Variants in SEMA6A observed in about 807,000 individuals in gnomAD.
The protein encoded by SEMA6A is semaphorin-6A.
In SEMA6A, 25 loss-of-function variants were observed where a neutral mutation model predicts 96.8. That is an observed-to-expected ratio of 0.26 (90% CI 0.19 to 0.36). The LOEUF (loss-of-function observed/expected upper bound fraction) is 0.36. SEMA6A is among the 10% of genes least tolerant of loss of function. The probability of loss-of-function intolerance (pLI) is 1.00; values close to 1 mark genes in which losing one functional copy is unlikely to be tolerated. For missense variants in SEMA6A, 1,363 were observed against 1,323.1 expected (o/e 1.03, Z -0.47); for synonymous variants, 612 against 518.0 (o/e 1.18, Z -2.46).
At chr5:116,522,292 C>T (rs1011535181) in intron 1 of SEMA6A, among the ~76,000 whole-genome samples, 1 of 152,204 alleles carries the variant, frequency 6.6e-6, no homozygotes, top group African/African-American at 2.4e-5. Flanking sequence ...ATTTTTTAAA[C>T]TCTTTGTCTC....
intron 18 of SEMA6A, among the ~76,000 whole-genome samples, chr5:116,448,170 T>TTAA (rs1193422146): frequency 8.4e-6 from 1 of 119,550 alleles, no homozygotes; most frequent in African/African-American, 3.6e-5. Context: ...CCGTCTCTAC[T>TTAA]AAAAAAAAAA....
intron 1 of SEMA6A, among the ~76,000 whole-genome samples, chr5:116,513,339 C>T (rs1758507413): frequency 1.3e-5 from 2 of 152,092 alleles, no homozygotes; most frequent in Non-Finnish European, 2.9e-5. Context: ...GTTGGTCAGG[C>T]TGGTCTCAAA....
At chr5:116,536,051 A>G (rs6867701) in intron 1 of SEMA6A, among the ~76,000 whole-genome samples, 1 of 152,220 alleles carries the variant, frequency 6.6e-6, no homozygotes, top group African/African-American at 2.4e-5. Flanking sequence ...GTTCTTTCTA[A>G]CTACAAGTAA....
At chr5:116,519,058 A>G (rs1490739147) in intron 1 of SEMA6A, among the ~76,000 whole-genome samples, 1 of 152,178 alleles carries the variant, frequency 6.6e-6, no homozygotes, top group Non-Finnish European at 1.5e-5. Context: ...TGTTCTTCAC[A>G]TATCTATTTA....
chr5:116,486,540 T>C (rs1757057404), intron 10 of SEMA6A: 2 of 532,148 alleles, frequency 3.8e-6, no homozygotes, highest in Non-Finnish European at 6.7e-6. Context: ...TGTCATAATT[T>C]ATCTAATTAC....
chr5:116,462,359 G>A (rs1296330939), intron 18 of SEMA6A, among the ~76,000 whole-genome samples: 3 of 152,168 alleles, frequency 2.0e-5, no homozygotes, highest in African/African-American at 7.2e-5. Flanking sequence ...GGGCAACACT[G>A]TGTAGCACAA....
chr5:116,492,699 TA>T (rs1448753651), intron 6 of SEMA6A, among the ~76,000 whole-genome samples: 1 of 152,218 alleles, frequency 6.6e-6, no homozygotes, highest in Non-Finnish European at 1.5e-5. Flanking sequence ...ACTTGTGTTA[TA>T]AAAATTAATA....
At chr5:116,547,446 CAT>C (rs557033796) in intron 1 of SEMA6A, among the ~76,000 whole-genome samples, 318 of 152,202 alleles carry the variant, frequency 2.1e-3, no homozygotes, top group African/African-American at 7.4e-3. Context: ...AAATTTGAGA[CAT>C]GTGTTGTAGA....
rs377034192 is a variant in SEMA6A at position 116,507,940 on chromosome 5, G to A, written c.-38-2958C>T. ...CTTAAGAACATTCTTCATTTTAATAGGCATCTGCTTGGTGAATTTGTCAGG... is the reference window on the plus strand; with the variant it reads ...CTTAAGAACATTCTTCATTTTAATAAGCATCTGCTTGGTGAATTTGTCAGG... On this transcript the variant is annotated intron_variant, in intron 1 of 18. Transcript: ENST00000343348. 38 of 152,236 alleles carry A rather than the reference G, an allele frequency of 2.5e-4. No individual in the cohort carries two copies. The East Asian group carries it at 7.0e-3, about 28-fold the overall frequency. The allele number at this position is 152,236 out of a possible 1,614,324, so 9.4% of individuals were successfully genotyped here. A position where few individuals can be genotyped will look rare whatever the true frequency, so the allele number is the denominator to read the frequency against.
chr5:116,469,706 G>A (rs150028674), intron 17 of SEMA6A, among the ~76,000 whole-genome samples: 35 of 152,326 alleles, frequency 2.3e-4, no homozygotes, highest in African/African-American at 7.9e-4. Flanking sequence ...ATGGTTTAGG[G>A]AGAACATTTC....
intron 3 of SEMA6A, among the ~76,000 whole-genome samples, chr5:116,498,033 T>C (rs1378177801): frequency 6.6e-6 from 1 of 152,200 alleles, no homozygotes; most frequent in East Asian, 1.9e-4. Flanking sequence ...TTGGGTTGTC[T>C]TTACAATTTG....
intron 10 of SEMA6A, among the ~76,000 whole-genome samples, chr5:116,484,632 AAAATAAT>A (rs1756953331): frequency 1.3e-5 from 2 of 148,586 alleles, no homozygotes; most frequent in East Asian, 2.1e-4. Context: ...CAGGAAAAAA[AAAATAAT>A]AATAATAATA....
At chr5:116,569,654 C>A (rs1761130903) in intron 1 of SEMA6A, among the ~76,000 whole-genome samples, 1 of 152,168 alleles carries the variant, frequency 6.6e-6, no homozygotes, top group South Asian at 2.1e-4. Flanking sequence ...AGAGGAGGAA[C>A]ACCTGAAGGA....
rs749631581 is a variant in SEMA6A at position 116,447,068 on chromosome 5, TG to T, written c.2637del (p.Val881PhefsTer20). On this transcript the variant is annotated frameshift_variant, in exon 19 of 19. Coordinates refer to ENST00000343348, the MANE Select transcript of SEMA6A (RefSeq NM_020796.5). LOFTEE classifies it high-confidence loss of function. Reference sequence around the variant, plus strand: ...AGGGAGGCCTCCCGCTGTGGAACTTTGGGGGGCAGGCTGTCCAGGTTCTCCA... The same window carrying T: ...AGGGAGGCCTCCCGCTGTGGAACTTTGGGGGCAGGCTGTCCAGGTTCTCCA... ...NLVENLDSLP[P>X]KVPQREASLG... 1 of 1,613,700 alleles carries T rather than the reference TG, an allele frequency of 6.2e-7. No homozygotes were observed. The highest frequency in any genetic ancestry group is 8.5e-7 in the Non-Finnish European group (1 of 1,179,846).
intron 1 of SEMA6A, among the ~76,000 whole-genome samples, chr5:116,533,820 T>C (rs566850182): frequency 3.9e-4 from 59 of 152,208 alleles, no homozygotes; most frequent in Non-Finnish European, 6.6e-4. Flanking sequence ...CCCTCACACC[T>C]CCAGGCTTCA....
chr5:116,487,759 G>C (rs1306684788), intron 9 of SEMA6A, among the ~76,000 whole-genome samples: 2 of 152,158 alleles, frequency 1.3e-5, no homozygotes, highest in Non-Finnish European at 1.5e-5. Flanking sequence ...AGCTACTCGG[G>C]AGGCTGAGGC....
In SEMA6A at chr5:116,459,368, A is replaced by C. The variant is rs191066218; in HGVS notation, c.1894+8215T>G. Among the ~76,000 whole-genome samples the C allele has an allele frequency of 2.6e-5, 4 of 151,890 alleles. No homozygotes were observed. In the East Asian group the frequency reaches 7.7e-4, roughly 29 times the overall value. Reference sequence around the variant, plus strand: ...ATATGTATCACCTGTCAATCTTGCTATCTTTGTCTTTCCCCACTTCTACCC... The same window carrying C: ...ATATGTATCACCTGTCAATCTTGCTCTCTTTGTCTTTCCCCACTTCTACCC... On this transcript the variant is annotated intron_variant, in intron 18 of 18. Coordinates refer to ENST00000343348, the MANE Select transcript of SEMA6A (RefSeq NM_020796.5).
At chr5:116,530,338 G>T (rs1025512538) in intron 1 of SEMA6A, among the ~76,000 whole-genome samples, 3 of 152,106 alleles carry the variant, frequency 2.0e-5, no homozygotes, top group Admixed American at 2.0e-4. Flanking sequence ...TCCCTGTTAT[G>T]CATGGTCTTA....
chr5:116,509,866 C>T (rs1011601920), intron 1 of SEMA6A, among the ~76,000 whole-genome samples: 4 of 152,146 alleles, frequency 2.6e-5, no homozygotes, highest in Non-Finnish European at 5.9e-5. Flanking sequence ...CCACAGAGGG[C>T]AGGCAGAGAA....
Sources: allele counts gnomAD v4.1 joint callset (sites outside exome capture counted in the v4.1 genomes callset), GRCh38; gene constraint gnomAD v4.1.1; transcripts MANE v1.5; gene names NCBI Gene and HGNC (gene_info 2026-07-23, HGNC 2026-07-21).